Variants in TRHDE observed in about 807,000 individuals in gnomAD.
TRHDE encodes thyrotropin-releasing hormone-degrading ectoenzyme.
Under a neutral mutation model 125.7 loss-of-function variants are expected in TRHDE, and 72 were observed. The observed-to-expected ratio is 0.57, with a 90% CI of 0.47 to 0.70. The LOEUF is 0.70. Among genes scored for constraint, TRHDE ranks in the 30% least tolerant of loss-of-function variants. The pLI is 0.00. For synonymous variants in TRHDE, 509 were observed against 509.1 expected (o/e 1.00, Z 0.00); for missense variants, 1,110 against 1,327.1 (o/e 0.84, Z 2.54).
upstream of TRHDE, among the ~76,000 whole-genome samples, chr12:72,268,646 T>C (rs1281182415): frequency 6.6e-6 from 1 of 152,122 alleles, no homozygotes; most frequent in Non-Finnish European, 1.5e-5. Context: ...TGCTTCTATA[T>C]ACAAACCAGT....
intron 2 of TRHDE, among the ~76,000 whole-genome samples, chr12:72,169,501 T>G (rs1035236823): frequency 3.9e-5 from 6 of 152,120 alleles, no homozygotes; most frequent in Non-Finnish European, 8.8e-5. Context: ...GGTAGATGGA[T>G]TTTTCTCTGT....
chr12:72,479,933 GT>G (rs1226784469), intron 5 of TRHDE, among the ~76,000 whole-genome samples: 1 of 148,670 alleles, frequency 6.7e-6, no homozygotes, highest in African/African-American at 2.5e-5. Flanking sequence ...TGTCCTTGCA[GT>G]AGTTTACTGA....
At chr12:72,244,050 T>TTTTC (rs759183378) in intron 2 of TRHDE, among the ~76,000 whole-genome samples, 42 of 152,178 alleles carry the variant, frequency 2.8e-4, no homozygotes, top group Non-Finnish European at 5.1e-4. Context: ...ATCATAGCTT[T>TTTTC]CCATCATCTC....
At chr12:72,632,306 C>T (rs1191920275) in intron 15 of TRHDE, among the ~76,000 whole-genome samples, 1 of 151,892 alleles carries the variant, frequency 6.6e-6, no homozygotes, top group Non-Finnish European at 1.5e-5. Flanking sequence ...ATAGCAGGTA[C>T]TTAGATTTAC....
chr12:72,339,855 C>T (rs943613176), intron 2 of TRHDE, among the ~76,000 whole-genome samples: 1 of 152,098 alleles, frequency 6.6e-6, no homozygotes, highest in Admixed American at 6.5e-5. Context: ...TGCCCTTGGC[C>T]ACAGGGACCT....
At chr12:72,399,594 C>G (rs555850652) in intron 3 of TRHDE, among the ~76,000 whole-genome samples, 24 of 152,114 alleles carry the variant, frequency 1.6e-4, no homozygotes, top group African/African-American at 5.1e-4. Flanking sequence ...ATGAAAAACA[C>G]TATAGTTCTT....
intron 2 of TRHDE, among the ~76,000 whole-genome samples, chr12:72,349,749 A>C (rs1181666585): frequency 6.6e-6 from 1 of 152,040 alleles, no homozygotes; most frequent in Non-Finnish European, 1.5e-5. Context: ...ACTTTGGTGC[A>C]GTAAAAAGAG....
At chr12:72,435,986 A>T (rs1161734410) in intron 3 of TRHDE, among the ~76,000 whole-genome samples, 2 of 152,052 alleles carry the variant, frequency 1.3e-5, no homozygotes, top group African/African-American at 2.4e-5. Flanking sequence ...CCGACCAATA[A>T]AAACAAGAGG....
At chr12:72,186,856 AATTAGATTCC>A (rs1034816489) in intron 2 of TRHDE, among the ~76,000 whole-genome samples, 1 of 151,938 alleles carries the variant, frequency 6.6e-6, no homozygotes, top group Admixed American at 6.6e-5. Flanking sequence ...CACTAGTTCC[AATTAGATTCC>A]ATTAGATTTT....
At chr12:72,659,224 C>T (rs1382920205) in intron 18 of TRHDE, among the ~76,000 whole-genome samples, 2 of 152,164 alleles carry the variant, frequency 1.3e-5, no homozygotes, top group African/African-American at 4.8e-5. Flanking sequence ...ATTCTAGTAC[C>T]TGAAACTGGA....
At chr12:72,453,723 C>T (rs1024965346) in intron 3 of TRHDE, among the ~76,000 whole-genome samples, 2 of 152,218 alleles carry the variant, frequency 1.3e-5, no homozygotes, top group Non-Finnish European at 2.9e-5. Context: ...CTGAGCCAGG[C>T]TCAGAGCCCT....
At chr12:72,312,080 A>G (rs545356489) in intron 2 of TRHDE, among the ~76,000 whole-genome samples, 10 of 152,254 alleles carry the variant, frequency 6.6e-5, no homozygotes, top group African/African-American at 2.4e-4. Flanking sequence ...CCTCACAAAA[A>G]CCCTGAGAAG....
intron 2 of TRHDE, among the ~76,000 whole-genome samples, chr12:72,129,391 A>G (rs1201035878): frequency 6.6e-6 from 1 of 151,994 alleles, no homozygotes; most frequent in Admixed American, 6.5e-5. Flanking sequence ...GCCTTAAACT[A>G]TAATTAGATA....
At chr12:72,653,178 T>G in intron 17 of TRHDE, 22 bp downstream of exon 17, 6 of 1,595,020 alleles carry the variant, frequency 3.8e-6, no homozygotes, top group Non-Finnish European at 5.1e-6. Context: ...AATTCTTACT[T>G]GAATGAGTAA....
intron 3 of TRHDE, among the ~76,000 whole-genome samples, chr12:72,450,920 T>A (rs1875538553): frequency 6.6e-6 from 1 of 152,180 alleles, no homozygotes; most frequent in African/African-American, 2.4e-5. Flanking sequence ...TTTTTTCATA[T>A]ACTTCTTGGC....
chr12:72,537,131 A>C (rs1376546569), intron 6 of TRHDE, among the ~76,000 whole-genome samples: 1 of 152,008 alleles, frequency 6.6e-6, no homozygotes, highest in Non-Finnish European at 1.5e-5. Flanking sequence ...TTTATGCCTC[A>C]ATTTTCTGAC....
At chr12:72,181,621 C>G (rs1341636004) in intron 2 of TRHDE, among the ~76,000 whole-genome samples, 1 of 152,046 alleles carries the variant, frequency 6.6e-6, no homozygotes, top group African/African-American at 2.4e-5. Context: ...TATGTATATG[C>G]TAATAGTATA....
chr12:72,209,832 A>G (rs1328273420), intron 2 of TRHDE, among the ~76,000 whole-genome samples: 3 of 152,210 alleles, frequency 2.0e-5, no homozygotes, highest in Admixed American at 1.3e-4. Flanking sequence ...GCTTACAGTT[A>G]TCTCTGCTTA....
intron 2 of TRHDE, among the ~76,000 whole-genome samples, chr12:72,207,682 T>G (rs1465313014): frequency 6.6e-6 from 1 of 152,200 alleles, no homozygotes; most frequent in Non-Finnish European, 1.5e-5. Flanking sequence ...TATGTTGCAT[T>G]GCACTTACTC....
Sources: gnomAD v4.1 joint callset for allele counts (sites outside exome capture counted in the v4.1 genomes callset) on GRCh38, gnomAD v4.1.1 for gene constraint, MANE v1.5 for transcripts, NCBI Gene and HGNC (gene_info 2026-07-23, HGNC 2026-07-21) for gene names.